Variants in CTNNA2 observed in about 807,000 individuals in gnomAD.
CTNNA2 encodes the protein catenin alpha 2.
Under a neutral mutation model 101.0 loss-of-function variants are expected in CTNNA2, and 42 were observed. The ratio of observed to expected loss-of-function variants is 0.42; its 90% CI spans 0.32 to 0.54. CTNNA2 has a LOEUF of 0.54. Among genes scored for constraint, CTNNA2 ranks in the 20% least tolerant of loss-of-function variants. CTNNA2 has a pLI of 0.14. For missense variants in CTNNA2, 871 were observed against 1,223.1 expected, an observed-to-expected ratio of 0.71 and a Z score of 4.29; for synonymous variants, 450 against 456.4, an observed-to-expected ratio of 0.99 and a Z score of 0.18.
At chr2:79,669,044 T>C (rs1682643437) in intron 2 of CTNNA2, among the ~76,000 whole-genome samples, 1 of 152,206 alleles carries the variant, frequency 6.6e-6, no homozygotes, top group Non-Finnish European at 1.5e-5. Context: ...CGTGGAGATC[T>C]TGCAGGGTAA....
intron 7 of CTNNA2, among the ~76,000 whole-genome samples, chr2:80,335,544 G>A (rs1418831624): frequency 6.6e-6 from 1 of 151,062 alleles, no homozygotes; most frequent in African/African-American, 2.4e-5. Context: ...TGGGACAGCA[G>A]TCTAATTGTT....
intron 2 of CTNNA2, among the ~76,000 whole-genome samples, chr2:79,260,519 C>G (rs1050367856): frequency 1.3e-5 from 2 of 152,164 alleles, no homozygotes; most frequent in Non-Finnish European, 1.5e-5. Context: ...GAAATAAAGA[C>G]TAGAAGTACG....
chr2:79,265,275 G>A (rs562916317), intron 2 of CTNNA2, among the ~76,000 whole-genome samples: 68 of 152,292 alleles, frequency 4.5e-4, no homozygotes, highest in African/African-American at 1.5e-3. Flanking sequence ...GGTGACTCCG[G>A]TGATTAGTGA....
At chr2:79,557,595 T>C (rs1573338375) in intron 1 of CTNNA2, among the ~76,000 whole-genome samples, 1 of 151,972 alleles carries the variant, frequency 6.6e-6, no homozygotes, top group East Asian at 1.9e-4. Flanking sequence ...GGAAGACTTT[T>C]AGGGGATGTA....
chr2:79,828,386 A>G (rs557960017), intron 3 of CTNNA2, among the ~76,000 whole-genome samples: 2 of 152,346 alleles, frequency 1.3e-5, no homozygotes, highest in African/African-American at 4.8e-5. Context: ...AAATAACGCA[A>G]ATACAACTAA....
intron 12 of CTNNA2, among the ~76,000 whole-genome samples, chr2:80,573,701 G>A (rs1187670418): frequency 7.2e-5 from 11 of 152,170 alleles, no homozygotes; most frequent in Non-Finnish European, 2.9e-5. Flanking sequence ...TACTTCCAAA[G>A]GGCCAGATTC....
chr2:79,590,140 G>A lies in CTNNA2; in HGVS notation c.-5-61412G>A, dbSNP rs546123552. Among the ~76,000 whole-genome samples, 8 of 152,246 alleles carry A rather than the reference G, an allele frequency of 5.3e-5. No homozygotes were observed. In the South Asian group the frequency reaches 1.7e-3, roughly 32 times the overall value. On this transcript the variant is annotated intron_variant, in intron 1 of 18. Transcript: ENST00000402739. ...ATTTCTTTAAATCCCAATGAAAACC[G>A]TTTTCTTTTGTCATGCCTGCTGTGA...
At chr2:79,846,605 C>CTG in intron 3 of CTNNA2, among the ~76,000 whole-genome samples, 2 of 152,286 alleles carry the variant, frequency 1.3e-5, no homozygotes, top group South Asian at 4.1e-4. Flanking sequence ...ATTTGTGAAA[C>CTG]TGTATCAGAA....
At chr2:79,700,294 C>A (rs796361042) in intron 2 of CTNNA2, among the ~76,000 whole-genome samples, 15 of 152,136 alleles carry the variant, frequency 9.9e-5, no homozygotes, top group African/African-American at 3.6e-4. Context: ...ATTTTTCATT[C>A]CTATGGCCTA....
intron 1 of CTNNA2, among the ~76,000 whole-genome samples, chr2:79,638,489 T>C (rs1680230277): frequency 6.6e-6 from 1 of 152,200 alleles, no homozygotes; most frequent in Admixed American, 6.5e-5. Context: ...TCTAGGCAAA[T>C]ATAATTGCTG....
chr2:79,947,525 C>CA (rs1361738425), intron 7 of CTNNA2, among the ~76,000 whole-genome samples: 1 of 151,930 alleles, frequency 6.6e-6, no homozygotes, highest in African/African-American at 2.4e-5. Context: ...GAAACAAAAC[C>CA]AAAAAATACC....
chr2:80,238,128 A>C (rs1315684448), intron 7 of CTNNA2, among the ~76,000 whole-genome samples: 2 of 152,118 alleles, frequency 1.3e-5, no homozygotes, highest in Non-Finnish European at 2.9e-5. Flanking sequence ...ACTGTTCTGG[A>C]CTGTAATAGT....
intron 1 of CTNNA2, among the ~76,000 whole-genome samples, chr2:79,545,265 A>G (rs924327833): frequency 2.2e-4 from 34 of 152,274 alleles, no homozygotes; most frequent in African/African-American, 7.2e-4. Context: ...TCTAGGCCCT[A>G]TGCTTAGAGA....
At chr2:80,431,209 G>A (rs561894780) in intron 9 of CTNNA2, among the ~76,000 whole-genome samples, 8 of 152,242 alleles carry the variant, frequency 5.3e-5, no homozygotes, top group African/African-American at 1.4e-4. Flanking sequence ...CTTTGACTCC[G>A]TTAGTTTTAG....
chr2:80,406,830 A>G (rs1467186006), intron 8 of CTNNA2, among the ~76,000 whole-genome samples: 1 of 134,118 alleles, frequency 7.5e-6, no homozygotes, highest in Non-Finnish European at 1.5e-5. Flanking sequence ...CCATCTCAAA[A>G]AAAAAAAAAA....
At chr2:79,867,434 A>G (rs983433943) in intron 4 of CTNNA2, among the ~76,000 whole-genome samples, 3 of 151,702 alleles carry the variant, frequency 2.0e-5, no homozygotes, top group Non-Finnish European at 4.4e-5. Flanking sequence ...TCATCTATCT[A>G]CTAGTAGTGT....
chr2:79,342,664 C>T (rs1053649795), intron 3 of CTNNA2, among the ~76,000 whole-genome samples: 2 of 152,160 alleles, frequency 1.3e-5, no homozygotes, highest in Non-Finnish European at 2.9e-5. Context: ...ATTAAACATG[C>T]TGCGGGTACT....
intron 15 of CTNNA2, among the ~76,000 whole-genome samples, chr2:80,598,757 G>C (rs1558630659): frequency 1.3e-5 from 2 of 152,190 alleles, no homozygotes; most frequent in Admixed American, 6.5e-5. Context: ...ATTATGCTGA[G>C]TGAAAAACAG....
intron 3 of CTNNA2, among the ~76,000 whole-genome samples, chr2:79,776,333 A>G (rs1402404228): frequency 2.0e-5 from 3 of 152,306 alleles, no homozygotes; most frequent in Non-Finnish European, 4.4e-5. Flanking sequence ...TCTTCTTGGC[A>G]TGATAGTGTC....
Sources: allele counts gnomAD v4.1 joint callset (sites outside exome capture counted in the v4.1 genomes callset), GRCh38; gene constraint gnomAD v4.1.1; transcripts MANE v1.5; gene names NCBI Gene and HGNC (gene_info 2026-07-23, HGNC 2026-07-21).